Variants in SORCS2 observed in about 807,000 individuals in gnomAD.
SORCS2 encodes the protein sortilin related VPS10 domain containing receptor 2.
In SORCS2, 100 loss-of-function variants were observed where a neutral mutation model predicts 141.6. The ratio of observed to expected loss-of-function variants is 0.71; its 90% CI spans 0.60 to 0.83. SORCS2 has a LOEUF of 0.83. SORCS2 is among the 40% of genes least tolerant of loss of function. The pLI is 0.00. For missense variants in SORCS2, 1,646 were observed against 1,560.2 expected (o/e 1.05, Z -0.93); for synonymous variants, 789 against 676.9 (o/e 1.17, Z -2.57).
chr4:7,703,380 G>A lies in SORCS2; in HGVS notation c.1760+9G>A, dbSNP rs201828099. On this transcript the variant is annotated intron_variant, in intron 13 of 26. Transcript: ENST00000507866. The stretch of plus-strand genomic sequence containing the variant: ...CCTTTGAAGATCCTCAAGTAATGGC[G>A]TCTGCTAGCCCCGGGGCAGGGAGGG... The A allele has an allele frequency of 5.3e-4, 851 of 1,610,430 alleles. 1 individual carries two copies. The African/African-American group carries it at 6.3e-3, about 12-fold the overall frequency.
intron 8 of SORCS2, among the ~76,000 whole-genome samples, chr4:7,673,964 C>T (rs544884388): frequency 1.3e-5 from 2 of 152,208 alleles, no homozygotes; most frequent in African/African-American, 4.8e-5. Context: ...AGCAGAATGA[C>T]CAACGCCCGG....
At chr4:7,394,950 C>T (rs545606481) in intron 1 of SORCS2, among the ~76,000 whole-genome samples, 3 of 143,646 alleles carry the variant, frequency 2.1e-5, no homozygotes, top group South Asian at 2.1e-4. Flanking sequence ...CTGGGAACAG[C>T]GTGACTATAT....
rs115903787 is a variant in SORCS2, at chr4:7,304,910, C to T, written c.481-91378C>T. On this transcript the variant is annotated intron_variant, in intron 1 of 26. Coordinates refer to ENST00000507866, the MANE Select transcript of SORCS2 (RefSeq NM_020777.3). ...TGGGGCTGGGTTGTCCTGGGGGCAA[C>T]GCCACTGAGGCTTCATGCTGGAGGC... Among the ~76,000 whole-genome samples, 168 of 152,354 alleles carry T rather than the reference C, an allele frequency of 1.1e-3. 1 individual carries two copies. The highest frequency in any genetic ancestry group is 3.4e-3 in the African/African-American group (142 of 41,594).
intron 5 of SORCS2, among the ~76,000 whole-genome samples, chr4:7,657,199 A>G (rs909277035): frequency 8.5e-5 from 13 of 152,266 alleles, no homozygotes; most frequent in African/African-American, 3.1e-4. Context: ...AAGTGCTCAG[A>G]GCAAGAGACT....
chr4:7,640,054 AGTGTGT>A (rs371319347), intron 4 of SORCS2, among the ~76,000 whole-genome samples: 10 of 77,056 alleles, frequency 1.3e-4, no homozygotes, highest in Non-Finnish European at 3.0e-4. Context: ...TGAGAGTGTG[AGTGTGT>A]GTGTTTATGA....
chr4:7,570,256 G>A (rs763861511), intron 3 of SORCS2, among the ~76,000 whole-genome samples: 14 of 152,176 alleles, frequency 9.2e-5, no homozygotes, highest in Admixed American at 5.9e-4. Flanking sequence ...AGCAGAGGCC[G>A]GTGGAGCCCA....
chr4:7,373,478 A>AATTTTTTTTTTTT (rs1722401599), intron 1 of SORCS2, among the ~76,000 whole-genome samples: 2 of 36,824 alleles, frequency 5.4e-5, no homozygotes, highest in African/African-American at 3.2e-4. Flanking sequence ...ATATATATAT[A>AATTTTTTTTTTTT]TTTTTTTTTT....
At chr4:7,622,013 C>T (rs755115710) in intron 3 of SORCS2, among the ~76,000 whole-genome samples, 1 of 152,124 alleles carries the variant, frequency 6.6e-6, no homozygotes, top group Non-Finnish European at 1.5e-5. Context: ...TCCGGGTGTG[C>T]GATTTTACTG....
At chr4:7,301,509 C>T (rs1036741139) in intron 1 of SORCS2, among the ~76,000 whole-genome samples, 9 of 152,322 alleles carry the variant, frequency 5.9e-5, no homozygotes, top group Admixed American at 2.0e-4. Context: ...AGCGCTCAGG[C>T]GCTGGGCTGA....
intron 2 of SORCS2, among the ~76,000 whole-genome samples, chr4:7,516,992 C>T (rs992499343): frequency 6.6e-6 from 1 of 152,196 alleles, no homozygotes; most frequent in Non-Finnish European, 1.5e-5. Flanking sequence ...TGTGCTAGTC[C>T]TCCGGCTGGG....
rs762210472 is a variant in SORCS2 at position 7,737,088 on chromosome 4, G to A, written c.3331G>A (p.Val1111Met). The part of the protein sequence containing the change: ...KFKRKRPGRT[V>M]YAQMHNEKEQ... ...CAGCAGGAAACGGCCAGGCAGGACC[G>A]TGTACGCCCAAATGCACAACGAGAA... Residue 1111 changes from valine to methionine, a missense_variant, in exon 26 of 27, where the codon GTG becomes ATG. Val to Met is a conservative substitution (Grantham distance 21). Coordinates refer to ENST00000507866, the MANE Select transcript of SORCS2 (RefSeq NM_020777.3). 5.2e-5 allele frequency: 80 copies of A among 1,551,168 alleles called. No individual in the cohort carries two copies. Among genetic ancestry groups the A allele is most frequent in the South Asian group, 9.5e-5 (8 of 84,064 alleles).
chr4:7,570,464 C>T (rs778063036), intron 3 of SORCS2, among the ~76,000 whole-genome samples: 66 of 152,258 alleles, frequency 4.3e-4, no homozygotes, highest in Admixed American at 1.2e-3. Flanking sequence ...AGGCTGGAGG[C>T]GCCCCCAGCA....
intron 23 of SORCS2, among the ~76,000 whole-genome samples, chr4:7,730,087 G>T (rs1427583962): frequency 1.3e-5 from 2 of 152,208 alleles, no homozygotes. Flanking sequence ...GGGTTTCGGG[G>T]CCGAGCAGAA....
chr4:7,556,101 T>A (rs1244414621), intron 3 of SORCS2, among the ~76,000 whole-genome samples: 1 of 152,156 alleles, frequency 6.6e-6, no homozygotes, highest in Non-Finnish European at 1.5e-5. Context: ...AGGGTTGTAT[T>A]TGGAATGATC....
chr4:7,392,500 C>T (rs555825763), intron 1 of SORCS2, among the ~76,000 whole-genome samples: 341 of 152,254 alleles, frequency 2.2e-3, no homozygotes, highest in African/African-American at 7.7e-3. Flanking sequence ...TGGATTTTTC[C>T]GCTCTGTGCT....
intron 2 of SORCS2, among the ~76,000 whole-genome samples, chr4:7,521,716 C>G (rs1405716037): frequency 2.0e-5 from 3 of 152,206 alleles, no homozygotes; most frequent in African/African-American, 7.2e-5. Context: ...AGGTTCCAGT[C>G]TGGGGTTCCC....
chr4:7,552,844 G>A (rs978830797), intron 3 of SORCS2, among the ~76,000 whole-genome samples: 5 of 152,176 alleles, frequency 3.3e-5, no homozygotes, highest in African/African-American at 1.2e-4. Context: ...GGCCTCTGGA[G>A]AGAGCTTATT....
At chr4:7,406,638 G>A (rs980342901) in intron 2 of SORCS2, among the ~76,000 whole-genome samples, 1 of 150,386 alleles carries the variant, frequency 6.6e-6, no homozygotes, top group African/African-American at 2.4e-5. Flanking sequence ...TTTTCTAGTC[G>A]GTCTACTTTG....
intron 1 of SORCS2, among the ~76,000 whole-genome samples, chr4:7,327,094 G>T (rs1444356162): frequency 6.6e-6 from 1 of 152,238 alleles, no homozygotes; most frequent in Non-Finnish European, 1.5e-5. Context: ...CGGGGGGCTG[G>T]CAGGCCTGCA....
Sources: gnomAD v4.1 joint callset for allele counts (sites outside exome capture counted in the v4.1 genomes callset) on GRCh38, gnomAD v4.1.1 for gene constraint, MANE v1.5 for transcripts, NCBI Gene and HGNC (gene_info 2026-07-23, HGNC 2026-07-21) for gene names.